Variants in ADARB2 observed in about 807,000 individuals in gnomAD.
ADARB2 encodes the protein inactive double-stranded RNA-specific editase B2.
Under a neutral mutation model 62.2 loss-of-function variants are expected in ADARB2, and 25 were observed. The ratio of observed to expected loss-of-function variants is 0.40; its 90% CI spans 0.29 to 0.56. ADARB2 has a LOEUF of 0.56. Ranked by LOEUF, ADARB2 falls within the 20% of genes least tolerant of loss-of-function variation. The pLI, the probability that ADARB2 is intolerant of heterozygous loss-of-function variation, is 0.43. For synonymous variants in ADARB2, 572 were observed against 500.8 expected, an observed-to-expected ratio of 1.14 and a Z score of -1.90; for missense variants, 1,071 against 1,077.4, an observed-to-expected ratio of 0.99 and a Z score of 0.08.
At position 1,183,061 on chromosome 10, in the gene ADARB2, G is replaced by T; in HGVS notation, c.*132C>A. On this transcript the variant is annotated 3_prime_UTR_variant, in exon 10 of 10. Transcript: ENST00000381312. Reference sequence around the variant, plus strand: ...TTGTGTTGTTGCTCGTCCAAACATTGCACACTCGCGTGTTTCTGGGACACC... The same window carrying T: ...TTGTGTTGTTGCTCGTCCAAACATTTCACACTCGCGTGTTTCTGGGACACC... 9.8e-7 allele frequency: 1 copy of T among 1,019,170 alleles called. No individual in the cohort carries two copies. Among genetic ancestry groups the T allele is most frequent in the Non-Finnish European group, 1.4e-6 (1 of 707,502 alleles). The allele number at this position is 1,019,170 out of a possible 1,614,324, so 63.1% of individuals were successfully genotyped here.
intron 6 of ADARB2, among the ~76,000 whole-genome samples, chr10:1,227,896 A>G (rs1748197984): frequency 6.6e-6 from 1 of 152,238 alleles, no homozygotes; most frequent in Admixed American, 6.5e-5. Flanking sequence ...AGAAGTTACC[A>G]TGTGTCCACG....
Position 1,398,739 on chromosome 10 carries a change from A to G in ADARB2, c.101-19579T>C, listed in dbSNP as rs556734263. Among the ~76,000 whole-genome samples the G allele has an allele frequency of 4.6e-5, 7 of 152,310 alleles. 1 individual carries two copies. In the Middle Eastern group the frequency reaches 0.01, roughly 222 times the overall value. ...GAGACTTTCGTGCCTCTGACCCTCAAATTACCCAGCTCTCGGCTCTGCGTG... is the reference window on the plus strand; with the variant it reads ...GAGACTTTCGTGCCTCTGACCCTCAGATTACCCAGCTCTCGGCTCTGCGTG... On this transcript the variant is annotated intron_variant, in intron 1 of 9. Transcript: ENST00000381312. This position sits in a 1 kb window ranked among gnomAD's most constrained non-coding sequence, Gnocchi z 4.1.
chr10:1,472,473 G>A (rs1831336820), intron 1 of ADARB2, among the ~76,000 whole-genome samples: 1 of 152,156 alleles, frequency 6.6e-6, no homozygotes, highest in Admixed American at 6.5e-5. Context: ...ACGAGCTCTG[G>A]ACCGTGGGGG....
intron 1 of ADARB2, among the ~76,000 whole-genome samples, chr10:1,525,774 C>T (rs1017611372): frequency 1.3e-5 from 2 of 151,826 alleles, no homozygotes; most frequent in African/African-American, 2.4e-5. Flanking sequence ...TGCTCATGTG[C>T]TTGTGTGTTT....
intron 3 of ADARB2, among the ~76,000 whole-genome samples, chr10:1,278,934 C>T (rs560167802): frequency 6.6e-5 from 10 of 152,284 alleles, no homozygotes; most frequent in African/African-American, 1.9e-4. Context: ...ATCAACCTCT[C>T]GAATGAATGA....
At chr10:1,466,090 G>C (rs893217450) in intron 1 of ADARB2, among the ~76,000 whole-genome samples, 1 of 152,236 alleles carries the variant, frequency 6.6e-6, no homozygotes, top group Non-Finnish European at 1.5e-5. Flanking sequence ...ACCCAGGCAA[G>C]ACCTCCCGTC....
rs1256409099 is a variant in ADARB2 at position 1,242,258 on chromosome 10, C to T, written c.1234G>A (p.Gly412Arg). 1 of 1,584,828 alleles carries T rather than the reference C, an allele frequency of 6.3e-7. No homozygotes were observed. The highest frequency in any genetic ancestry group is 1.3e-5 in the African/African-American group (1 of 74,552). ...TGCTCGCCGCTGATGCACTTGGTCC[C>T]CGAGGACAGGGCCACGACCTGCGCC... Reference protein sequence around the residue: ...RQAQVVALSSGTKCISGEHLS... With the variant: ...RQAQVVALSSRTKCISGEHLS... Residue 412 changes from glycine (G) to arginine (R), a missense_variant, in exon 5 of 10, where the codon GGG becomes AGG. By Grantham distance (125) the Gly-to-Arg change is moderately radical (BLOSUM62 -2). Coordinates refer to ENST00000381312, the MANE Select transcript of ADARB2 (RefSeq NM_018702.4).
intron 6 of ADARB2, among the ~76,000 whole-genome samples, chr10:1,226,189 C>G (rs936535871): frequency 6.6e-6 from 1 of 152,196 alleles, no homozygotes; most frequent in Non-Finnish European, 1.5e-5. Flanking sequence ...CCCTTTCTTC[C>G]AGTTGATCGC....
rs1836644583 is a variant in ADARB2 at position 1,179,893 on chromosome 10, A to G, written c.*3300T>C. 2 of 150,662 alleles carry G rather than the reference A, an allele frequency of 1.3e-5. No individual in the cohort carries two copies. The highest frequency in any genetic ancestry group is 2.5e-5 in the African/African-American group (1 of 40,116). The allele number at this position is 150,662 out of a possible 1,614,324, so 9.3% of individuals were successfully genotyped here. A position where few individuals can be genotyped will look rare whatever the true frequency, so the allele number is the denominator to read the frequency against. On this transcript the variant is annotated 3_prime_UTR_variant, in exon 10 of 10. Transcript: ENST00000381312. ...CATCAGCCCCCCTTGTGTCGTGCCC[A>G]GCGTATTTTCAGGGTGACAGAAAGT...
At chr10:1,266,507 G>T (rs1269663045) in intron 4 of ADARB2, among the ~76,000 whole-genome samples, 1 of 111,500 alleles carries the variant, frequency 9.0e-6, no homozygotes, top group African/African-American at 2.9e-5. Context: ...GCTGTGGTGG[G>T]GGGTGGGGGG....
At position 1,363,517 on chromosome 10, in the gene ADARB2, G is replaced by A; in HGVS notation, c.588C>T (p.Cys196=). The change falls in exon 3 of 10, where the codon TGC becomes TGT. Residue 196 remains cysteine (C), a synonymous_variant. Transcript: ENST00000381312. ...CCCCGCCCATGGCCAGGTGCGCCTG[G>A]CAGGCGTTGGGGAACTGCACGAAGG... is the stretch of plus-strand genomic sequence containing the variant. The part of the protein sequence containing the change: ...LRSFVQFPNA[C]QAHLAMGGGP... The A allele has an allele frequency of 1.3e-6, 2 of 1,535,088 alleles. No homozygotes were observed. Among genetic ancestry groups the A allele is most frequent in the Non-Finnish European group, 1.7e-6 (2 of 1,145,074 alleles).
chr10:1,558,784 G>A (rs2005346), intron 1 of ADARB2, among the ~76,000 whole-genome samples: 6,450 of 101,124 alleles, frequency 0.064, 727 homozygotes, highest in African/African-American at 0.073. Flanking sequence ...CTCAGCCCCC[G>A]CATGCTCCAT....
At chr10:1,682,256 G>A (rs1017228300) in intron 1 of ADARB2, among the ~76,000 whole-genome samples, 1 of 152,212 alleles carries the variant, frequency 6.6e-6, no homozygotes, top group African/African-American at 2.4e-5. Flanking sequence ...GAAGCCAGCA[G>A]CTCATCCACA....
At chr10:1,357,416 C>T (rs1832206702) in intron 3 of ADARB2, among the ~76,000 whole-genome samples, 1 of 152,152 alleles carries the variant, frequency 6.6e-6, no homozygotes, top group Non-Finnish European at 1.5e-5. Flanking sequence ...CCACGGGACC[C>T]TCCTGTCCCT....
chr10:1,560,136 A>G (rs1225273210), intron 1 of ADARB2, among the ~76,000 whole-genome samples: 13 of 152,138 alleles, frequency 8.5e-5, no homozygotes, highest in Non-Finnish European at 7.3e-5. Flanking sequence ...TCCCTAATGC[A>G]TTTCTCTAAA....
chr10:1,438,775 AGGATG>A (rs1830865877), intron 1 of ADARB2, among the ~76,000 whole-genome samples: 1 of 139,642 alleles, frequency 7.2e-6, no homozygotes, highest in Admixed American at 7.1e-5. Flanking sequence ...AGTCTCTCCC[AGGATG>A]GAGGCAGGCC....
intron 1 of ADARB2, among the ~76,000 whole-genome samples, chr10:1,428,309 CAG>C (rs1830734493): frequency 1.4e-5 from 2 of 145,614 alleles, no homozygotes; most frequent in Admixed American, 6.8e-5. Flanking sequence ...TTTTTTTTGA[CAG>C]AGTCTTGTTT....
At chr10:1,547,499 G>A (rs1307717563) in intron 1 of ADARB2, among the ~76,000 whole-genome samples, 4 of 120,930 alleles carry the variant, frequency 3.3e-5, no homozygotes, top group Non-Finnish European at 1.7e-5. Context: ...CTGTGGGGAG[G>A]GGGAGAGAGG....
chr10:1,466,266 G>A (rs1831253835), intron 1 of ADARB2, among the ~76,000 whole-genome samples: 1 of 152,238 alleles, frequency 6.6e-6, no homozygotes, highest in Non-Finnish European at 1.5e-5. Flanking sequence ...CTTGGCCACG[G>A]CTGAAGTTCA....
Sources: gnomAD v4.1 joint callset for allele counts (sites outside exome capture counted in the v4.1 genomes callset) on GRCh38, gnomAD v4.1.1 for gene constraint, Gnocchi (gnomAD v3.1) non-coding constraint, MANE v1.5 for transcripts, NCBI Gene and HGNC (gene_info 2026-07-23, HGNC 2026-07-21) for gene names.